Variants in CNTNAP5 observed in about 807,000 individuals in gnomAD.
CNTNAP5 encodes the protein contactin associated protein family member 5, also known as contactin-associated protein-like 5.
In CNTNAP5, 72 loss-of-function variants were observed where a neutral mutation model predicts 150.2. The observed-to-expected ratio is 0.48, with a 90% CI of 0.40 to 0.58. The LOEUF (loss-of-function observed/expected upper bound fraction) is 0.58. Ranked by LOEUF, CNTNAP5 falls within the 20% of genes least tolerant of loss-of-function variation. The pLI is 0.00. For synonymous variants in CNTNAP5, 672 were observed against 619.8 expected, an observed-to-expected ratio of 1.08 and a Z score of -1.25; for missense variants, 1,636 against 1,626.2, an observed-to-expected ratio of 1.01 and a Z score of -0.10.
chr2:124,735,372 G>T (rs1216059213), intron 13 of CNTNAP5, among the ~76,000 whole-genome samples: 1 of 151,432 alleles, frequency 6.6e-6, no homozygotes, highest in Admixed American at 6.6e-5. Flanking sequence ...AGAGGTTTAG[G>T]CCAATTAGAC....
chr2:124,277,050 C>A (rs544187249), intron 3 of CNTNAP5, among the ~76,000 whole-genome samples: 9 of 152,102 alleles, frequency 5.9e-5, no homozygotes, highest in South Asian at 4.1e-4. Context: ...CCTCTCCAGC[C>A]CTGAGATTCT....
chr2:124,117,672 G>A (rs1029958050), intron 1 of CNTNAP5, among the ~76,000 whole-genome samples: 4 of 152,000 alleles, frequency 2.6e-5, no homozygotes, highest in Non-Finnish European at 4.4e-5. Flanking sequence ...CCATAGCACC[G>A]ACTTCTTAAA....
intron 19 of CNTNAP5, among the ~76,000 whole-genome samples, chr2:124,839,580 C>G (rs1305245014): frequency 2.0e-5 from 3 of 152,044 alleles, no homozygotes; most frequent in Non-Finnish European, 4.4e-5. Context: ...CTTCTTTACC[C>G]TGGGGCATCC....
At chr2:124,338,116 C>T (rs534456806) in intron 3 of CNTNAP5, among the ~76,000 whole-genome samples, 1 of 151,932 alleles carries the variant, frequency 6.6e-6, no homozygotes, top group Non-Finnish European at 1.5e-5. Context: ...GTATTTTATT[C>T]TCTTTGAAGC....
rs59890568 is a variant in CNTNAP5 at position 124,894,620 on chromosome 2, G to A, written c.3437-8262G>A. Among the ~76,000 whole-genome samples, 781 of 149,842 alleles carry A rather than the reference G, an allele frequency of 5.2e-3. 30 individuals carry two copies. Among genetic ancestry groups the A allele is most frequent in the African/African-American group, 0.018 (742 of 40,168 alleles). On this transcript the variant is annotated intron_variant, in intron 21 of 23. Coordinates refer to ENST00000682447, the MANE Select transcript of CNTNAP5 (RefSeq NM_001367498.1). The stretch of plus-strand genomic sequence containing the variant: ...CGAGGTGGGAATGCAATGGCCTGAC[G>A]ATGGCTCACTGCAGCCTCGACCTCC...
At chr2:124,893,155 G>A (rs1558816206) in intron 21 of CNTNAP5, among the ~76,000 whole-genome samples, 1 of 152,120 alleles carries the variant, frequency 6.6e-6, no homozygotes, top group African/African-American at 2.4e-5. Context: ...CTGGGACTGG[G>A]TTCACAGAGG....
intron 10 of CNTNAP5, among the ~76,000 whole-genome samples, chr2:124,551,163 G>A (rs1004076726): frequency 3.3e-5 from 5 of 152,040 alleles, no homozygotes; most frequent in Admixed American, 3.3e-4. Context: ...TTGTTGCTGG[G>A]ATCACTGACG....
At chr2:124,600,731 C>CAGAGAGAGAGAGAGAGAGAGAGAGAGAG (rs374118230) in intron 11 of CNTNAP5, among the ~76,000 whole-genome samples, 16 of 124,140 alleles carry the variant, frequency 1.3e-4, no homozygotes, top group Non-Finnish European at 1.8e-4. Context: ...CAACAATACT[C>CAGAGAGAGAGAGAGAGAGAGAGAGAGAG]AGAGAGAGAG....
intron 3 of CNTNAP5, among the ~76,000 whole-genome samples, chr2:124,352,664 A>T (rs1270290682): frequency 6.6e-6 from 1 of 152,008 alleles, no homozygotes; most frequent in African/African-American, 2.4e-5. Flanking sequence ...GTTTTGCCTC[A>T]TTTTTTTTAG....
intron 11 of CNTNAP5, among the ~76,000 whole-genome samples, chr2:124,598,999 G>T (rs7607625): frequency 6.6e-6 from 1 of 151,944 alleles, no homozygotes; most frequent in Non-Finnish European, 1.5e-5. Flanking sequence ...GCCCTGCTTC[G>T]GCTCACGCAC....
At chr2:124,744,626 G>A (rs1168200897) in intron 13 of CNTNAP5, among the ~76,000 whole-genome samples, 2 of 152,080 alleles carry the variant, frequency 1.3e-5, no homozygotes, top group African/African-American at 2.4e-5. Flanking sequence ...GTAAATATTT[G>A]TTGAATGAAT....
At chr2:124,584,133 C>A (rs192942227) in intron 11 of CNTNAP5, among the ~76,000 whole-genome samples, 1 of 152,322 alleles carries the variant, frequency 6.6e-6, no homozygotes, top group Admixed American at 6.5e-5. Context: ...AAACAGCCTA[C>A]TTCTCTGACA....
chr2:124,782,453 C>T (rs963653622), intron 17 of CNTNAP5, among the ~76,000 whole-genome samples: 6 of 152,058 alleles, frequency 3.9e-5, no homozygotes, highest in Admixed American at 2.0e-4. Context: ...TCATGTGGAC[C>T]TTAAACAGTA....
intron 13 of CNTNAP5, among the ~76,000 whole-genome samples, chr2:124,675,438 T>TTAA (rs1202091618): frequency 6.6e-6 from 1 of 152,134 alleles, no homozygotes; most frequent in Non-Finnish European, 1.5e-5. Context: ...TATGATTAAT[T>TTAA]TAATTCACTT....
chr2:124,463,172 T>C (rs188514887), intron 6 of CNTNAP5, among the ~76,000 whole-genome samples: 2 of 152,332 alleles, frequency 1.3e-5, no homozygotes, highest in African/African-American at 4.8e-5. Context: ...GGGATGTGAA[T>C]GGAGGATTTC....
At chr2:124,045,216 G>T (rs1345488409) in intron 1 of CNTNAP5, among the ~76,000 whole-genome samples, 1 of 151,738 alleles carries the variant, frequency 6.6e-6, no homozygotes, top group Non-Finnish European at 1.5e-5. Flanking sequence ...ATTTCTGTGG[G>T]TCTAGGTAAG....
chr2:124,151,456 G>T (rs1284813467), intron 1 of CNTNAP5, among the ~76,000 whole-genome samples: 1 of 152,118 alleles, frequency 6.6e-6, no homozygotes, highest in East Asian at 1.9e-4. Context: ...GGATGAACCA[G>T]GTTTAAAAAT....
chr2:124,433,584 C>T (rs2104793821), intron 4 of CNTNAP5, among the ~76,000 whole-genome samples: 1 of 152,082 alleles, frequency 6.6e-6, no homozygotes, highest in African/African-American at 2.4e-5. Flanking sequence ...ATAATCACCA[C>T]AATCCCACCC....
chr2:124,567,305 C>T lies in CNTNAP5; in HGVS notation c.1756+3982C>T, dbSNP rs193175359. Among the ~76,000 whole-genome samples, 183 of 152,206 alleles carry T rather than the reference C, an allele frequency of 1.2e-3. 3 individuals are homozygous for T. Among genetic ancestry groups the T allele is most frequent in the Admixed American group, 2.1e-3 (32 of 15,288 alleles). ...GTCGAAAGTAGAGATATCTTCAGTC[C>T]GTCTTAATTTTCTTATCCTTACCTG... On this transcript the variant is annotated intron_variant, in intron 11 of 23. Coordinates refer to ENST00000682447, the MANE Select transcript of CNTNAP5 (RefSeq NM_001367498.1).
Sources: allele counts gnomAD v4.1 joint callset (sites outside exome capture counted in the v4.1 genomes callset), GRCh38; gene constraint gnomAD v4.1.1; transcripts MANE v1.5; gene names NCBI Gene and HGNC (gene_info 2026-07-23, HGNC 2026-07-21).